RASL12: variants seen among roughly 807,000 people sequenced by gnomAD.
The protein encoded by RASL12 is RAS like family 12.
Under a neutral mutation model 22.9 loss-of-function variants are expected in RASL12, and 16 were observed. That is an observed-to-expected ratio of 0.70 (90% CI 0.47 to 1.06). The LOEUF is 1.06. RASL12 is among the 50% of genes least tolerant of loss of function. The probability of loss-of-function intolerance (pLI) is 0.00; values close to 1 mark genes in which losing one functional copy is unlikely to be tolerated. For synonymous variants in RASL12, 159 were observed against 152.2 expected (o/e 1.04, Z -0.33); for missense variants, 306 against 353.1 (o/e 0.87, Z 1.07).
chr15:65,050,143 C>T, downstream of RASL12: 1 of 1,497,398 alleles, frequency 6.7e-7, no homozygotes, highest in South Asian at 1.2e-5. Flanking sequence ...GGGTGTGCCC[C>T]TCAACACAGA....
chr15:65,061,141 C>T (rs1024942101), intron 2 of RASL12, among the ~76,000 whole-genome samples: 4 of 152,208 alleles, frequency 2.6e-5, no homozygotes, highest in African/African-American at 9.6e-5. Flanking sequence ...CTCCTGCCCA[C>T]AGCATGACAG....
upstream of RASL12, among the ~76,000 whole-genome samples, chr15:65,069,687 G>T (rs2086917400): frequency 6.6e-6 from 1 of 152,206 alleles, no homozygotes; most frequent in Admixed American, 6.5e-5. Flanking sequence ...TCCATAGTTA[G>T]AAGGGACTGT....
At chr15:65,070,571 T>C (rs145324896), upstream of RASL12, among the ~76,000 whole-genome samples, 583 of 152,330 alleles carry the variant, frequency 3.8e-3, 2 homozygotes, top group East Asian at 0.011. Flanking sequence ...ATCTAGAGGA[T>C]GTGGCACCAG....
At chr15:65,069,224 C>T (rs147703294), upstream of RASL12, among the ~76,000 whole-genome samples, 49 of 152,336 alleles carry the variant, frequency 3.2e-4, no homozygotes, top group African/African-American at 1.2e-3. Context: ...TTGACTCAGC[C>T]TAGTTGTGTT....
At chr15:65,048,699 C>T (rs1482777974), downstream of RASL12, among the ~76,000 whole-genome samples, 10 of 152,132 alleles carry the variant, frequency 6.6e-5, no homozygotes, top group South Asian at 4.1e-4. Flanking sequence ...GTGTTTAATG[C>T]GTGTCCTTTT....
intron 4 of RASL12, among the ~76,000 whole-genome samples, chr15:65,057,986 C>G (rs542839397): frequency 4.5e-4 from 69 of 152,322 alleles, no homozygotes; most frequent in African/African-American, 1.5e-3. Flanking sequence ...AACATAATCC[C>G]TGTGGTCGGG....
At chr15:65,076,540 G>C in exon 1 of RASL12, 1 of 700,732 alleles carries the variant, frequency 1.4e-6, no homozygotes, top group Non-Finnish European at 2.6e-6. Flanking sequence ...TCGAGGGTCC[G>C]CGGCTTCATT....
intron 4 of RASL12, among the ~76,000 whole-genome samples, chr15:65,058,140 G>A (rs1290184820): frequency 6.6e-6 from 1 of 152,152 alleles, no homozygotes; most frequent in Non-Finnish European, 1.5e-5. Context: ...ATGGTGGCAG[G>A]AACCTGTAAT....
downstream of RASL12, chr15:65,052,863 T>G: frequency 9.7e-7 from 1 of 1,034,678 alleles, no homozygotes; most frequent in Non-Finnish European, 1.4e-6. Flanking sequence ...GCTCCCAAAC[T>G]GCATAGAGAA....
At chr15:65,052,517 C>T (rs948479389), downstream of RASL12, among the ~76,000 whole-genome samples, 2 of 149,926 alleles carry the variant, frequency 1.3e-5, no homozygotes, top group African/African-American at 4.9e-5. Context: ...TCTCCTGCTT[C>T]AGCCTCCCAA....
At chr15:65,075,826 G>A (rs1183226211) in intron 1 of RASL12, among the ~76,000 whole-genome samples, 1 of 151,666 alleles carries the variant, frequency 6.6e-6, no homozygotes, top group African/African-American at 2.4e-5. Flanking sequence ...GTGGGGCCTT[G>A]GAAAACCTTT....
At chr15:65,046,926 CA>C in the RASL12 span, among the ~76,000 whole-genome samples, 2 of 151,076 alleles carry the variant, frequency 1.3e-5, no homozygotes, top group Admixed American at 1.3e-4. Context: ...AAACAAAAAA[CA>C]AAAAAACACC....
intron 1 of RASL12, among the ~76,000 whole-genome samples, chr15:65,075,233 T>C (rs2086957602): frequency 1.3e-5 from 2 of 152,218 alleles, no homozygotes; most frequent in African/African-American, 4.8e-5. Context: ...TGTGCTTGAT[T>C]TCTCACCGGG....
upstream of RASL12, among the ~76,000 whole-genome samples, chr15:65,071,783 G>C (rs2086933868): frequency 6.6e-6 from 1 of 152,052 alleles, no homozygotes; most frequent in Non-Finnish European, 1.5e-5. Flanking sequence ...TGTAGTCCCG[G>C]GACTATGCAG....
chr15:65,070,892 C>A (rs565691990), upstream of RASL12, among the ~76,000 whole-genome samples: 1 of 152,280 alleles, frequency 6.6e-6, no homozygotes, highest in African/African-American at 2.4e-5. Flanking sequence ...AGCACTGTAG[C>A]CTGAAGAGTT....
chr15:65,072,902 C>T (rs546423139), upstream of RASL12, among the ~76,000 whole-genome samples: 8 of 152,142 alleles, frequency 5.3e-5, no homozygotes, highest in South Asian at 2.1e-4. Context: ...TTTGGGAGGC[C>T]GAGGTGAGAG....
intron 2 of RASL12, among the ~76,000 whole-genome samples, chr15:65,061,843 T>A (rs555971303): frequency 6.6e-5 from 10 of 150,592 alleles, no homozygotes; most frequent in African/African-American, 2.4e-4. Context: ...AGGTCAGGAG[T>A]TCTAGACCAT....
At chr15:65,059,467 G>C in intron 2 of RASL12, 49 bp from the exon 3 acceptor site, 1 of 1,461,332 alleles carries the variant, frequency 6.8e-7, no homozygotes, top group African/African-American at 1.4e-5. Flanking sequence ...TTGGGTGTAA[G>C]TTTGAGCTTC....
chr15:65,051,096 G>A (rs151094607), downstream of RASL12, among the ~76,000 whole-genome samples: 1,053 of 152,038 alleles, frequency 6.9e-3, 9 homozygotes, highest in African/African-American at 0.024. Context: ...CACCTGACTC[G>A]GCTTCCCAAA....
Sources: gnomAD v4.1 joint callset for allele counts (sites outside exome capture counted in the v4.1 genomes callset) on GRCh38, gnomAD v4.1.1 for gene constraint, MANE v1.5 for transcripts, NCBI Gene and HGNC (gene_info 2026-07-23, HGNC 2026-07-21) for gene names.